Variants in MAML2 observed in about 807,000 individuals in gnomAD.
MAML2 encodes mastermind-like protein 2.
MAML2 carries 22 observed loss-of-function variants against 96.1 expected under a neutral mutation model. The ratio of observed to expected loss-of-function variants is 0.23; its 90% CI spans 0.16 to 0.33. The LOEUF (loss-of-function observed/expected upper bound fraction) is 0.33. MAML2 is among the 10% of genes least tolerant of loss of function. The probability of loss-of-function intolerance (pLI) is 1.00; values close to 1 mark genes in which losing one functional copy is unlikely to be tolerated. For synonymous variants in MAML2, 561 were observed against 521.3 expected (o/e 1.08, Z -1.04); for missense variants, 1,367 against 1,392.4 (o/e 0.98, Z 0.29).
intron 2 of MAML2, among the ~76,000 whole-genome samples, chr11:96,034,137 T>C (rs1030413056): frequency 5.9e-5 from 9 of 152,224 alleles, no homozygotes; most frequent in African/African-American, 1.9e-4. Flanking sequence ...CTTTATTGGA[T>C]ACATTTAATG....
Position 96,062,074 on chromosome 11 carries a change from A to C in MAML2, c.2139+29818T>G, listed in dbSNP as rs901962622. Among the ~76,000 whole-genome samples, 3 of 152,202 alleles carry C rather than the reference A, an allele frequency of 2.0e-5. No homozygotes were observed. In the East Asian group the frequency reaches 5.8e-4, roughly 29 times the overall value. ...ATGATGATTTTAATCATCTTAAAAC[A>C]TTCTACCACTTTAGTAGTCTTTTCT... On this transcript the variant is annotated intron_variant, in intron 2 of 4. Transcript: ENST00000524717.
chr11:96,292,075 T>C (rs1414213287), intron 1 of MAML2, among the ~76,000 whole-genome samples: 1 of 152,222 alleles, frequency 6.6e-6, no homozygotes, highest in African/African-American at 2.4e-5. Flanking sequence ...AACAAATGAT[T>C]TCCTGCACGT....
chr11:96,022,068 G>A (rs769055656), intron 2 of MAML2, among the ~76,000 whole-genome samples: 29 of 152,176 alleles, frequency 1.9e-4, no homozygotes, highest in Non-Finnish European at 3.5e-4. Flanking sequence ...AGGATGGGAG[G>A]AGCTGCCTTG....
intron 2 of MAML2, among the ~76,000 whole-genome samples, chr11:96,074,494 T>C (rs1380748292): frequency 1.3e-5 from 2 of 152,238 alleles, no homozygotes; most frequent in African/African-American, 2.4e-5. Context: ...AAAAGATTCA[T>C]GTCTTCAATA....
intron 1 of MAML2, among the ~76,000 whole-genome samples, chr11:96,149,049 G>C (rs1162026810): frequency 1.3e-5 from 2 of 152,078 alleles, no homozygotes; most frequent in African/African-American, 4.8e-5. Flanking sequence ...CCTCTGTGAC[G>C]AACATTGCCT....
intron 1 of MAML2, among the ~76,000 whole-genome samples, chr11:96,182,060 T>C (rs1861495191): frequency 6.6e-6 from 1 of 152,160 alleles, no homozygotes; most frequent in African/African-American, 2.4e-5. Context: ...GAAAATGGAT[T>C]GTAAATTCAA....
chr11:96,116,027 TC>T (rs1860232322), intron 1 of MAML2, among the ~76,000 whole-genome samples: 1 of 152,154 alleles, frequency 6.6e-6, no homozygotes, highest in Non-Finnish European at 1.5e-5. Context: ...AACTTTTTTT[TC>T]CCCACCCTGA....
rs185296672 is a variant in MAML2 at position 96,139,455 on chromosome 11, C to T, written c.514-45938G>A. 9.6e-3 allele frequency among the ~76,000 whole-genome samples: 1,417 copies of T among 147,018 alleles called. 15 individuals carry two copies. Among genetic ancestry groups the T allele is most frequent in the Admixed American group, 0.022 (322 of 14,582 alleles). Reference sequence around the variant, plus strand: ...TCCCACCACTGCACTCCAGCCTGGGCGACAGAGCGAGACTCTGTCTTAAAA... The same window carrying T: ...TCCCACCACTGCACTCCAGCCTGGGTGACAGAGCGAGACTCTGTCTTAAAA... On this transcript the variant is annotated intron_variant, in intron 1 of 4. Transcript: ENST00000524717.
chr11:96,234,484 AAAAT>A (rs1009834959), intron 1 of MAML2, among the ~76,000 whole-genome samples: 3 of 152,168 alleles, frequency 2.0e-5, no homozygotes, highest in African/African-American at 4.8e-5. Flanking sequence ...TCCATCTCAA[AAAAT>A]AAATAAATAA....
intron 1 of MAML2, among the ~76,000 whole-genome samples, chr11:96,263,268 T>C (rs1862777086): frequency 6.6e-6 from 1 of 152,366 alleles, no homozygotes; most frequent in Admixed American, 6.5e-5. Flanking sequence ...TGCCTGTCAT[T>C]GTTAAAAGCA....
intron 2 of MAML2, among the ~76,000 whole-genome samples, chr11:96,052,279 C>A (rs1383981762): frequency 6.6e-6 from 1 of 152,164 alleles, no homozygotes; most frequent in Non-Finnish European, 1.5e-5. Context: ...CATTTAGGAA[C>A]ACATACTAGG....
chr11:96,314,512 T>G (rs1367341702), intron 1 of MAML2, among the ~76,000 whole-genome samples: 2 of 152,222 alleles, frequency 1.3e-5, no homozygotes, highest in African/African-American at 4.8e-5. Flanking sequence ...ATCCTTCCTG[T>G]GGGTTGGTGA....
At chr11:96,039,270 G>A (rs1858767290) in intron 2 of MAML2, among the ~76,000 whole-genome samples, 1 of 150,682 alleles carries the variant, frequency 6.6e-6, no homozygotes, top group Non-Finnish European at 1.5e-5. Flanking sequence ...GAGGAGAGGA[G>A]GGGAGAGGAG....
intron 1 of MAML2, among the ~76,000 whole-genome samples, chr11:96,186,693 A>T (rs897329371): frequency 6.6e-6 from 1 of 152,246 alleles, no homozygotes; most frequent in Non-Finnish European, 1.5e-5. Flanking sequence ...TCACAACTCC[A>T]CTATGTAGGA....
intron 1 of MAML2, among the ~76,000 whole-genome samples, chr11:96,154,405 C>T (rs978153268): frequency 1.3e-5 from 2 of 152,228 alleles, no homozygotes; most frequent in Admixed American, 6.5e-5. Flanking sequence ...TACCAACCTC[C>T]TCTCAGACAT....
At chr11:96,308,896 C>G (rs2136002987) in intron 1 of MAML2, among the ~76,000 whole-genome samples, 1 of 152,320 alleles carries the variant, frequency 6.6e-6, no homozygotes, top group East Asian at 1.9e-4. Flanking sequence ...CTTCATTTAT[C>G]TATACACAGT....
rs1367960381 is a variant in MAML2, at chr11:96,341,483, A to T, written c.413T>A (p.Leu138Gln). 6.5e-7 allele frequency: 1 copy of T among 1,546,272 alleles called. No homozygotes were observed. The highest frequency in any genetic ancestry group is 2.5e-5 in the East Asian group (1 of 40,520). Residue 138 changes from leucine (L) to glutamine (Q), a missense_variant, in exon 1 of 5, where the codon CTG (leucine) becomes CAG (glutamine). Leu to Gln is a moderately radical substitution (Grantham distance 113). Transcript: ENST00000524717. Reference protein sequence around the residue: ...PDYHHHHQQHLLNSSNNGGSG... With the variant: ...PDYHHHHQQHQLNSSNNGGSG... Reference sequence around the variant, plus strand: ...GCCACCATTATTGCTACTGTTCAGCAGGTGCTGCTGGTGGTGATGGTGATA... The same window carrying T: ...GCCACCATTATTGCTACTGTTCAGCTGGTGCTGCTGGTGGTGATGGTGATA...
chr11:96,022,859 A>T (rs1858456940), intron 2 of MAML2, among the ~76,000 whole-genome samples: 1 of 152,206 alleles, frequency 6.6e-6, no homozygotes, highest in Non-Finnish European at 1.5e-5. Context: ...TATGACAATG[A>T]GGATGTTTGG....
chr11:96,207,355 A>G (rs761933567), intron 1 of MAML2, among the ~76,000 whole-genome samples: 30 of 152,258 alleles, frequency 2.0e-4, no homozygotes, highest in Admixed American at 1.4e-3. Flanking sequence ...CTTAGATCCA[A>G]TTCCCCAAAT....
Sources: allele counts gnomAD v4.1 joint callset (sites outside exome capture counted in the v4.1 genomes callset), GRCh38; gene constraint gnomAD v4.1.1; transcripts MANE v1.5; gene names NCBI Gene and HGNC (gene_info 2026-07-23, HGNC 2026-07-21).